Variants in MGST2 observed in about 807,000 individuals in gnomAD.
The protein encoded by MGST2 is glutathione peroxidase MGST2.
MGST2 carries 9 observed loss-of-function variants against 16.6 expected under a neutral mutation model. The ratio of observed to expected loss-of-function variants is 0.54; its 90% confidence interval spans 0.33 to 0.95. MGST2 has a LOEUF of 0.95. MGST2 is among the 40% of genes least tolerant of loss of function. The probability of loss-of-function intolerance (pLI) is 0.03; values close to 1 mark genes in which losing one functional copy is unlikely to be tolerated. For missense variants in MGST2, 159 were observed against 175.1 expected (o/e 0.91, Z 0.52); for synonymous variants, 79 against 68.0 (o/e 1.16, Z -0.79).
Position 139,678,591 on chromosome 4 carries a change from C to A in MGST2, c.107C>A (p.Thr36Lys), listed in dbSNP as rs762855354. The A allele has an allele frequency of 2.5e-6, 4 of 1,614,098 alleles. No individual in the cohort carries two copies. Among genetic ancestry groups the A allele is most frequent in the Middle Eastern group, 3.3e-4 (2 of 6,060 alleles). ...AAGGCAAGATTAAAATACAAAGTTA[C>A]GCCCCCAGCAGTCACTGGGTCACCA... ...VGKARLKYKVTPPAVTGSPEF... is the reference protein window; with the variant it reads ...VGKARLKYKVKPPAVTGSPEF... Residue 36 changes from threonine (T) to lysine (K), a missense_variant, in exon 2 of 5, where the codon ACG (threonine) becomes AAG (lysine). Coordinates refer to ENST00000265498, the MANE Select transcript of MGST2 (RefSeq NM_002413.5).
chr4:139,745,137 A>C (rs1438868641), downstream of MGST2, among the ~76,000 whole-genome samples: 2 of 149,682 alleles, frequency 1.3e-5, no homozygotes, highest in African/African-American at 4.9e-5. Flanking sequence ...GTGAGAAGAG[A>C]AGGAAGGAAG....
chr4:139,669,819 G>C (rs1730576012), intron 1 of MGST2, among the ~76,000 whole-genome samples: 1 of 152,246 alleles, frequency 6.6e-6, no homozygotes, highest in African/African-American at 2.4e-5. Context: ...ACAGCAGTTT[G>C]TATACCATTC....
intron 3 of MGST2, among the ~76,000 whole-genome samples, chr4:139,699,600 A>G (rs529985615): frequency 2.0e-5 from 3 of 152,320 alleles, no homozygotes; most frequent in Admixed American, 2.0e-4. Context: ...ATTTTTGTAA[A>G]GCCACCTCCT....
At chr4:139,693,360 G>A (rs563954287) in intron 2 of MGST2, among the ~76,000 whole-genome samples, 33 of 148,768 alleles carry the variant, frequency 2.2e-4, no homozygotes, top group Non-Finnish European at 3.4e-4. Flanking sequence ...AGCCGAGATC[G>A]TGCCACTGCA....
intron 1 of MGST2, among the ~76,000 whole-genome samples, chr4:139,670,602 C>G (rs1192688962): frequency 6.6e-6 from 1 of 152,040 alleles, no homozygotes; most frequent in African/African-American, 2.4e-5. Context: ...GAATTCAGCA[C>G]AAAGAAATGC....
intron 4 of MGST2, 37 bp from the exon 5 acceptor site, chr4:139,703,979 C>T (rs781027807): frequency 6.2e-7 from 1 of 1,613,524 alleles, no homozygotes; most frequent in Non-Finnish European, 8.5e-7. Flanking sequence ...TATTACAGTC[C>T]AGTTTGTCAC....
intron 3 of MGST2, chr4:139,698,297 C>G: frequency 7.8e-7 from 1 of 1,287,714 alleles, no homozygotes. Flanking sequence ...TAGCTGCGCT[C>G]TGGAAGCGCA....
chr4:139,743,265 C>A (rs1729220518), downstream of MGST2, among the ~76,000 whole-genome samples: 1 of 152,206 alleles, frequency 6.6e-6, no homozygotes, highest in South Asian at 2.1e-4. Flanking sequence ...ACAGGAGGGG[C>A]AGGGTGATTA....
chr4:139,710,555 C>G (rs1446307156), intron 5 of MGST2, among the ~76,000 whole-genome samples: 1 of 152,154 alleles, frequency 6.6e-6, no homozygotes, highest in Non-Finnish European at 1.5e-5. Context: ...TCCCTCCACC[C>G]CGGAATCAGT....
intron 3 of MGST2, among the ~76,000 whole-genome samples, 161 bp downstream of exon 3, chr4:139,695,428 C>T (rs910257571): frequency 1.3e-5 from 2 of 152,120 alleles, no homozygotes; most frequent in Non-Finnish European, 2.9e-5. Flanking sequence ...TCGAGACCAG[C>T]CTGGCCAAAA....
chr4:139,710,884 G>A (rs1191845831), intron 5 of MGST2, among the ~76,000 whole-genome samples: 2 of 152,144 alleles, frequency 1.3e-5, no homozygotes, highest in Non-Finnish European at 2.9e-5. Context: ...TTTCCTAGAA[G>A]TGGAGAGGTG....
At chr4:139,727,657 GT>G (rs2110978736) in intron 5 of MGST2, among the ~76,000 whole-genome samples, 1 of 152,316 alleles carries the variant, frequency 6.6e-6, no homozygotes, top group African/African-American at 2.4e-5. Context: ...TGGATGAGAG[GT>G]TATGTGCTTT....
At chr4:139,678,938 C>T (rs150512390) in intron 2 of MGST2, 3 of 491,194 alleles carry the variant, frequency 6.1e-6, no homozygotes, top group African/African-American at 5.8e-5. Flanking sequence ...AAGAGGCCCC[C>T]TGGAGCCTTG....
intron 5 of MGST2, among the ~76,000 whole-genome samples, chr4:139,727,432 A>G (rs1405130315): frequency 6.6e-6 from 1 of 152,202 alleles, no homozygotes; most frequent in African/African-American, 2.4e-5. Flanking sequence ...TACGACTAGG[A>G]ATGAGCCCCT....
intron 1 of MGST2, among the ~76,000 whole-genome samples, chr4:139,673,437 G>A (rs1311137323): frequency 6.6e-6 from 1 of 152,070 alleles, no homozygotes. Context: ...TTTGAAACAG[G>A]GTCTTGCTCT....
chr4:139,688,874 A>G (rs1037294682), intron 2 of MGST2, among the ~76,000 whole-genome samples: 20 of 152,164 alleles, frequency 1.3e-4, no homozygotes, highest in African/African-American at 4.3e-4. Flanking sequence ...TGGGAGGCCA[A>G]GGTGGGTGGA....
chr4:139,730,080 T>G (rs372592283), intron 5 of MGST2, among the ~76,000 whole-genome samples: 1 of 152,194 alleles, frequency 6.6e-6, no homozygotes. Flanking sequence ...TTATGGAGCA[T>G]GTGAGACAGT....
At chr4:139,729,326 T>C (rs1728606998) in intron 5 of MGST2, among the ~76,000 whole-genome samples, 2 of 152,062 alleles carry the variant, frequency 1.3e-5, no homozygotes, top group African/African-American at 2.4e-5. Flanking sequence ...CTTAGTAAAT[T>C]TGCAAAATTC....
intron 1 of MGST2, among the ~76,000 whole-genome samples, chr4:139,670,904 CAAA>C (rs111546595): frequency 1.4e-4 from 13 of 93,114 alleles, no homozygotes; most frequent in Non-Finnish European, 1.4e-4. Flanking sequence ...GACCCTATCT[CAAA>C]AAAAAAAAAA....
Sources: allele counts gnomAD v4.1 joint callset (sites outside exome capture counted in the v4.1 genomes callset), GRCh38; gene constraint gnomAD v4.1.1; transcripts MANE v1.5; gene names NCBI Gene and HGNC (gene_info 2026-07-23, HGNC 2026-07-21).